SYPL2: variants seen among roughly 807,000 people sequenced by gnomAD.
SYPL2 encodes the protein synaptophysin like 2.
A neutral mutation model predicts 31.3 loss-of-function variants in SYPL2; 24 were observed. That is an observed-to-expected ratio of 0.77 (90% confidence interval 0.56 to 1.08). SYPL2 has a LOEUF of 1.08. SYPL2 is among the 50% of genes least tolerant of loss of function. The pLI, the probability that SYPL2 is intolerant of heterozygous loss-of-function variation, is 0.00. For synonymous variants in SYPL2, 144 were observed against 143.1 expected (o/e 1.01, Z -0.05); for missense variants, 342 against 360.1 (o/e 0.95, Z 0.41).
rs1382427716 is a variant in SYPL2 at position 109,467,165 on chromosome 1, G to C, written c.129+32G>C. 6 of 1,527,528 alleles carry C rather than the reference G, an allele frequency of 3.9e-6. No homozygotes were observed. In the East Asian group the frequency reaches 1.5e-4, roughly 38 times the overall value. 94.6% of individuals were successfully genotyped at this position (1,527,528 alleles called of 1,614,324 possible). A position where few individuals can be genotyped will look rare whatever the true frequency, so the allele number is the denominator to read the frequency against. Reference sequence around the variant, plus strand: ...CGCTGCCCCGGCCCCGGGCTATTTCGGGAGCCTGGGCTGTGACGCTGACCT... The same window carrying C: ...CGCTGCCCCGGCCCCGGGCTATTTCCGGAGCCTGGGCTGTGACGCTGACCT... On this transcript the variant is annotated intron_variant, in intron 2 of 5. Coordinates refer to ENST00000369872, the MANE Select transcript of SYPL2 (RefSeq NM_001040709.2).
chr1:109,467,706 G>C (rs1288030194), intron 2 of SYPL2, among the ~76,000 whole-genome samples: 1 of 152,134 alleles, frequency 6.6e-6, no homozygotes, highest in Non-Finnish European at 1.5e-5. Context: ...ATGAATGAAT[G>C]AACGGAGCTT....
At chr1:109,479,322 C>T (rs1288388843) in intron 5 of SYPL2, 56 bp from the exon 6 acceptor site, 5 of 1,588,250 alleles carry the variant, frequency 3.1e-6, no homozygotes, top group East Asian at 2.2e-5. Context: ...CTCCCCCTCC[C>T]TGTTCCCACA....
chr1:109,471,634 C>T (rs1326755773), intron 2 of SYPL2, among the ~76,000 whole-genome samples: 1 of 151,810 alleles, frequency 6.6e-6, no homozygotes, highest in Non-Finnish European at 1.5e-5. Flanking sequence ...AGGCTGGTCT[C>T]GAACCCCTGA....
In SYPL2 at chr1:109,479,384, G is replaced by A. The variant is rs1656097373; in HGVS notation, c.655G>A (p.Gly219Ser). ...TCCCCTGATGTCTTTGCAGCTCTTT[G>A]GCTTTATCAACTTCTTCCTGTGGGC... ...MGLANISVLFGFINFFLWAGN... is the reference protein window; with the variant it reads ...MGLANISVLFSFINFFLWAGN... The change falls in exon 6 of 6, where the codon GGC (glycine) becomes AGC (serine). Residue 219 changes from glycine (G) to serine (S), a missense_variant. By Grantham distance (56) the Gly-to-Ser change is moderately conservative (BLOSUM62 0). Transcript: ENST00000369872. The A allele has an allele frequency of 6.2e-7, 1 of 1,613,774 alleles. No homozygotes were observed. The highest frequency in any genetic ancestry group is 1.3e-5 in the African/African-American group (1 of 74,844).
chr1:109,470,818 A>G (rs1655809406), intron 2 of SYPL2, among the ~76,000 whole-genome samples: 1 of 152,220 alleles, frequency 6.6e-6, no homozygotes, highest in African/African-American at 2.4e-5. Context: ...CCCAAGGCAC[A>G]GAGCTACTCC....
At chr1:109,473,147 T>A (rs1180098077) in intron 2 of SYPL2, among the ~76,000 whole-genome samples, 1 of 152,164 alleles carries the variant, frequency 6.6e-6, no homozygotes, top group Non-Finnish European at 1.5e-5. Flanking sequence ...AGTTCCACTA[T>A]TACAATGGTG....
rs1446390585 is a variant in SYPL2, at chr1:109,479,738, C to G, written c.*190C>G. 7 of 802,322 alleles carry G rather than the reference C, an allele frequency of 8.7e-6. No individual in the cohort carries two copies. Among genetic ancestry groups the G allele is most frequent in the Non-Finnish European group, 1.3e-5 (7 of 523,988 alleles). The allele number at this position is 802,322 out of a possible 1,614,324, so 49.7% of individuals were successfully genotyped here. ...CTCTCAGTGGCTTCCTATCCTCCTT[C>G]TTGCTGGAGCCATGAATGGCAGGAG... On this transcript the variant is annotated 3_prime_UTR_variant, in exon 6 of 6. Coordinates refer to ENST00000369872, the MANE Select transcript of SYPL2 (RefSeq NM_001040709.2).
Position 109,479,570 on chromosome 1 carries a change from C to T in SYPL2, c.*22C>T, listed in dbSNP as rs1656106210. ...GTAAGCAGCCCCCCACCTGGCTATTCCCGAACTGGACAGCACCTCTTCAAC... is the reference window on the plus strand; with the variant it reads ...GTAAGCAGCCCCCCACCTGGCTATTTCCGAACTGGACAGCACCTCTTCAAC... On this transcript the variant is annotated 3_prime_UTR_variant, in exon 6 of 6. Coordinates refer to ENST00000369872, the MANE Select transcript of SYPL2 (RefSeq NM_001040709.2). The T allele has an allele frequency of 1.2e-6, 2 of 1,609,094 alleles. No homozygotes were observed. Among genetic ancestry groups the T allele is most frequent in the Non-Finnish European group, 8.5e-7 (1 of 1,176,758 alleles).
intron 2 of SYPL2, among the ~76,000 whole-genome samples, chr1:109,470,334 G>A (rs916166306): frequency 6.6e-6 from 1 of 152,168 alleles, no homozygotes; most frequent in Admixed American, 6.5e-5. Flanking sequence ...GTAGGACCTG[G>A]GGAGAGAATT....
chr1:109,477,892 T>C lies in SYPL2; in HGVS notation c.531T>C (p.Asp177=), dbSNP rs1000187710. The change falls in exon 5 of 6, where the codon GAT becomes GAC. Residue 177 remains aspartate (D), a synonymous_variant. Coordinates refer to ENST00000369872, the MANE Select transcript of SYPL2 (RefSeq NM_001040709.2). ...AAAAWGKGLT[D]VKGATRPSSL... is the part of the protein sequence containing the mutation. The stretch of plus-strand genomic sequence containing the variant: ...CTGCCTGGGGCAAGGGCCTGACCGA[T>C]GTCAAGGGGGCCACACGACCATCCA... The C allele has an allele frequency of 1.8e-5, 29 of 1,614,062 alleles. No homozygotes were observed. The highest frequency in any genetic ancestry group is 4.0e-5 in the African/African-American group (3 of 74,938).
intron 2 of SYPL2, among the ~76,000 whole-genome samples, chr1:109,471,744 C>A (rs1262019362): frequency 6.6e-6 from 1 of 152,112 alleles, no homozygotes; most frequent in African/African-American, 2.4e-5. Flanking sequence ...TTGATCCAGT[C>A]TCACTCTGTC....
intron 2 of SYPL2, among the ~76,000 whole-genome samples, chr1:109,468,760 T>C (rs1655736075): frequency 6.6e-6 from 1 of 152,100 alleles, no homozygotes; most frequent in Non-Finnish European, 1.5e-5. Context: ...AAAGCTTCCT[T>C]CTTCAATCCT....
Position 109,467,080 on chromosome 1 carries a change from CT to C in SYPL2, c.77del (p.Leu26ArgfsTer48). 6.5e-7 allele frequency: 1 copy of C among 1,545,462 alleles called. No individual in the cohort carries two copies. Among genetic ancestry groups the C allele is most frequent in the Non-Finnish European group, 8.7e-7 (1 of 1,146,044 alleles). On this transcript the variant is annotated frameshift_variant, in exon 2 of 6. Coordinates refer to ENST00000369872, the MANE Select transcript of SYPL2 (RefSeq NM_001040709.2). LOFTEE classifies it high-confidence loss of function. ...GCAGGTGGACCGCCTACTCGTGGGG[CT>C]GCGCTGGCGGCGGCTGGAGGAGCCG... ...RQQVDRLLVG[L>X]RWRRLEEPLG... is the part of the protein sequence containing the mutation.
At chr1:109,476,709 G>C in intron 3 of SYPL2, 67 bp from the exon 4 acceptor site, 1 of 1,509,714 alleles carries the variant, frequency 6.6e-7, no homozygotes, top group South Asian at 1.2e-5. Flanking sequence ...ACTAGCACAG[G>C]ACTACTTCTG....
At chr1:109,467,562 C>A (rs768828878) in intron 2 of SYPL2, among the ~76,000 whole-genome samples, 2 of 152,048 alleles carry the variant, frequency 1.3e-5, no homozygotes, top group Non-Finnish European at 2.9e-5. Context: ...GCGATGGAAA[C>A]CGTCCTGCCC....
intron 3 of SYPL2, among the ~76,000 whole-genome samples, chr1:109,476,030 G>A (rs919937516): frequency 6.6e-6 from 1 of 152,208 alleles, no homozygotes; most frequent in Non-Finnish European, 1.5e-5. Context: ...AAGCTGGACA[G>A]GTCTCTCTGA....
At position 109,466,826 on chromosome 1, in the gene SYPL2, AGCGCT is replaced by A; in HGVS notation, c.-17_-13del. 3 of 1,512,986 alleles carry A rather than the reference AGCGCT, an allele frequency of 2.0e-6. No individual in the cohort carries two copies. Among genetic ancestry groups the A allele is most frequent in the Admixed American group, 4.1e-5 (2 of 49,058 alleles). The allele number at this position is 1,512,986 out of a possible 1,614,324, so 93.7% of individuals were successfully genotyped here. ...AGAGCCAAGCCACCACGCCGCGCCC[AGCGCT>A]CGCCGCGCCAGCATGTCCTCGACCG... On this transcript the variant is annotated 5_prime_UTR_variant, in exon 1 of 6. Transcript: ENST00000369872.
chr1:109,478,557 C>T lies in SYPL2; in HGVS notation c.648+548C>T, dbSNP rs1656068135. On this transcript the variant is annotated intron_variant, in intron 5 of 5. Transcript: ENST00000369872. This position sits in a 1 kb window ranked among gnomAD's most constrained non-coding sequence, Gnocchi z 4.0. ...TAAAGAGCTGAGGTCTTGAGCTTCT[C>T]AAATGCTGCCCGTCATCCCAGCCAC... is the stretch of plus-strand genomic sequence containing the variant. Among the ~76,000 whole-genome samples, 1 of 152,184 alleles carries T rather than the reference C, an allele frequency of 6.6e-6. No individual in the cohort carries two copies. Among genetic ancestry groups the T allele is most frequent in the Admixed American group, 6.5e-5 (1 of 15,280 alleles).
intron 5 of SYPL2, among the ~76,000 whole-genome samples, 169 bp from the exon 6 acceptor site, chr1:109,479,209 T>C (rs1399135083): frequency 6.6e-6 from 1 of 152,210 alleles, no homozygotes; most frequent in Non-Finnish European, 1.5e-5. Context: ...CCTAAACAGT[T>C]GATGGTCCTG....
Sources: gnomAD v4.1 joint callset for allele counts (sites outside exome capture counted in the v4.1 genomes callset) on GRCh38, gnomAD v4.1.1 for gene constraint, Gnocchi (gnomAD v3.1) non-coding constraint, MANE v1.5 for transcripts, NCBI Gene and HGNC (gene_info 2026-07-23, HGNC 2026-07-21) for gene names.